The following C22orf31 variants were observed in gnomAD, a reference collection of about 807,000 sequenced individuals.
C22orf31 encodes uncharacterized protein C22orf31.
C22orf31 carries 11 observed loss-of-function variants against 15.0 expected under a neutral mutation model. The ratio of observed to expected loss-of-function variants is 0.73; its 90% CI spans 0.46 to 1.21. C22orf31 has a LOEUF of 1.21. C22orf31 is among the 50% of genes most tolerant of loss of function. The pLI is 0.00. For synonymous variants in C22orf31, 132 were observed against 133.3 expected (o/e 0.99, Z 0.07); for missense variants, 340 against 347.2 (o/e 0.98, Z 0.17).
chr22:29,071,572 A>T, the C22orf31 span, among the ~76,000 whole-genome samples: 3 of 151,388 alleles, frequency 2.0e-5, no homozygotes, highest in Non-Finnish European at 2.9e-5. Context: ...CGCCGGGCGC[A>T]GGTCTGCACT....
intron 2 of C22orf31, chr22:29,059,784 A>G: frequency 1.0e-6 from 1 of 980,734 alleles, no homozygotes; most frequent in Non-Finnish European, 1.2e-6. Context: ...GTGTGTGTGC[A>G]CAAGCATGCA....
chr22:29,067,400 TTTA>T, the C22orf31 span, among the ~76,000 whole-genome samples: 1 of 151,558 alleles, frequency 6.6e-6, no homozygotes, highest in African/African-American at 2.4e-5. Context: ...AACCTATTAT[TTTA>T]TTTTTTATTA....
At chr22:29,061,632 T>C (rs748145393) in intron 1 of C22orf31, among the ~76,000 whole-genome samples, 158 bp downstream of exon 1, 1 of 152,144 alleles carries the variant, frequency 6.6e-6, no homozygotes, top group African/African-American at 2.4e-5. Flanking sequence ...CAATATACTC[T>C]GGGGACCATA....
chr22:29,072,058 C>G, the C22orf31 span, among the ~76,000 whole-genome samples: 1 of 152,132 alleles, frequency 6.6e-6, no homozygotes, highest in Non-Finnish European at 1.5e-5. Flanking sequence ...TGGCTGCAAA[C>G]TTGGGGTGGA....
chr22:29,066,551 T>C (rs866566365), upstream of C22orf31, among the ~76,000 whole-genome samples: 30 of 17,044 alleles, frequency 1.8e-3, no homozygotes, highest in African/African-American at 7.7e-3. Flanking sequence ...TTTTTTTTTT[T>C]TTTTTTTTTT....
chr22:29,070,351 G>C, the C22orf31 span, among the ~76,000 whole-genome samples: 1 of 152,230 alleles, frequency 6.6e-6, no homozygotes, highest in Non-Finnish European at 1.5e-5. Flanking sequence ...ATGACAGAGA[G>C]AGCCAATTGG....
Position 29,061,796 on chromosome 22 carries a change from T to A in C22orf31, c.-4A>T. 1.3e-6 allele frequency: 2 copies of A among 1,548,020 alleles called. No homozygotes were observed. The highest frequency in any genetic ancestry group is 1.8e-6 in the Non-Finnish European group (2 of 1,130,674). On this transcript the variant is annotated 5_prime_UTR_variant, in exon 1 of 3. Coordinates refer to ENST00000216071, the MANE Select transcript of C22orf31 (RefSeq NM_015370.2). ...AGAAATAAAATCACCTTACCATATT[T>A]CAGTTGCCTTAAATTTTATTTTCGC...
chr22:29,071,655 G>A, the C22orf31 span, among the ~76,000 whole-genome samples: 1 of 152,180 alleles, frequency 6.6e-6, no homozygotes, highest in Non-Finnish European at 1.5e-5. Context: ...CGTCACCGCT[G>A]CGCTTTAGGC....
At position 29,058,701 on chromosome 22, in the gene C22orf31, A is replaced by C; in HGVS notation, c.*41T>G. The C allele has an allele frequency of 2.1e-6, 3 of 1,460,574 alleles. No homozygotes were observed. Among genetic ancestry groups the C allele is most frequent in the Non-Finnish European group, 2.8e-6 (3 of 1,072,338 alleles). 90.5% of individuals were successfully genotyped at this position (1,460,574 alleles called of 1,614,324 possible). A position where few individuals can be genotyped will look rare whatever the true frequency, so the allele number is the denominator to read the frequency against. On this transcript the variant is annotated 3_prime_UTR_variant, in exon 3 of 3. Coordinates refer to ENST00000216071, the MANE Select transcript of C22orf31 (RefSeq NM_015370.2). ...GTGCAAAGTTGTGTTTATTTTTCAG[A>C]TCTCTAGCAGAGAATACTCTAATCC...
chr22:29,060,742 C>CG lies in C22orf31; in HGVS notation c.104dup (p.Ala36GlyfsTer17). The CG allele has an allele frequency of 6.2e-7, 1 of 1,614,050 alleles. No homozygotes were observed. The highest frequency in any genetic ancestry group is 1.7e-5 in the Admixed American group (1 of 60,008). ...TGGCCATCCAGATGTTGGTGAGAGC[C>CG]GGTGAGTCCACATAGCAGTCCTGAA... On this transcript the variant is annotated frameshift_variant, in exon 2 of 3. Transcript: ENST00000216071. LOFTEE classifies it high-confidence loss of function.
At chr22:29,066,763 G>T (rs2037434684), upstream of C22orf31, among the ~76,000 whole-genome samples, 1 of 151,714 alleles carries the variant, frequency 6.6e-6, no homozygotes, top group Admixed American at 6.6e-5. Flanking sequence ...GTTTCACCAT[G>T]TCAGCCAGGC....
the C22orf31 span, chr22:29,073,042 C>T: frequency 9.1e-6 from 2 of 219,266 alleles, no homozygotes; most frequent in Non-Finnish European, 1.5e-5. This position sits in a 1 kb window ranked among gnomAD's most constrained non-coding sequence, Gnocchi z 4.4. Flanking sequence ...TACACTCGGG[C>T]CCCGCGTCCT....
chr22:29,070,838 C>T, the C22orf31 span, among the ~76,000 whole-genome samples: 64 of 152,116 alleles, frequency 4.2e-4, 1 homozygote, highest in East Asian at 5.2e-3. Context: ...TTTTGTTCTT[C>T]GGAATTTGTG....
In C22orf31 at chr22:29,060,796, G is replaced by A. The variant is rs1388578415; in HGVS notation, c.51C>T (p.Leu17=). ...TGGTATTTAATAAGATGGACTGTCG[G>A]AGTCCATAGATAGGGATGCTGGGGT... ...RRDPSIPIYG[L]RQSILLNTRL... Residue 17 remains leucine, a synonymous_variant, in exon 2 of 3, where the codon CTC becomes CTT. Transcript: ENST00000216071. 3.1e-6 allele frequency: 5 copies of A among 1,613,854 alleles called. No homozygotes were observed. The highest frequency in any genetic ancestry group is 2.2e-5 in the East Asian group (1 of 44,888).
the C22orf31 span, among the ~76,000 whole-genome samples, chr22:29,072,646 T>G: frequency 6.6e-6 from 1 of 152,160 alleles, no homozygotes; most frequent in East Asian, 1.9e-4. Flanking sequence ...CTGTTGTAAT[T>G]ATTACCGCTG....
chr22:29,063,898 A>G (rs1447978303), upstream of C22orf31, among the ~76,000 whole-genome samples: 17 of 151,716 alleles, frequency 1.1e-4, no homozygotes, highest in Admixed American at 1.1e-3. Flanking sequence ...ACGGAGTTTC[A>G]CTCTTGTCAC....
At chr22:29,072,403 G>A in the C22orf31 span, among the ~76,000 whole-genome samples, 1 of 151,402 alleles carries the variant, frequency 6.6e-6, no homozygotes, top group East Asian at 2.0e-4. Context: ...TGGGATCACA[G>A]GAGTTGTTAG....
rs2037383865 is a variant in C22orf31 at position 29,060,825 on chromosome 22, G to A, written c.22C>T (p.Arg8Ter). The change falls in exon 2 of 3, where the codon CGA becomes TGA. Residue 8 changes from arginine to a stop codon, truncating the protein, a stop_gained. Coordinates refer to ENST00000216071, the MANE Select transcript of C22orf31 (RefSeq NM_015370.2). LOFTEE classifies it high-confidence loss of function. ...CCATAGATAGGGATGCTGGGGTCTC[G>A]TCTCACATTGATTGGGTGCTAGAAT... Reference protein sequence around the residue: MHPINVRRDPSIPIYGLR... With the variant: MHPINVR 7 of 1,613,234 alleles carry A rather than the reference G, an allele frequency of 4.3e-6. No homozygotes were observed. The highest frequency in any genetic ancestry group is 1.1e-5 in the South Asian group (1 of 90,996).
chr22:29,060,346 G>A (rs1246826948), intron 2 of C22orf31, 69 bp downstream of exon 2: 4 of 1,380,496 alleles, frequency 2.9e-6, no homozygotes, highest in Non-Finnish European at 4.0e-6. Flanking sequence ...CAACCGTTAA[G>A]TGTTCTCTGG....
Sources: allele counts gnomAD v4.1 joint callset (sites outside exome capture counted in the v4.1 genomes callset), GRCh38; gene constraint gnomAD v4.1.1; non-coding constraint Gnocchi (gnomAD v3.1); transcripts MANE v1.5; gene names NCBI Gene and HGNC (gene_info 2026-07-23, HGNC 2026-07-21).